SH3GL2: variants seen among roughly 807,000 people sequenced by gnomAD.
SH3GL2 encodes the protein endophilin-A1.
In SH3GL2, 24 loss-of-function variants were observed where a neutral mutation model predicts 46.0. The ratio of observed to expected loss-of-function variants is 0.52; its 90% CI spans 0.38 to 0.73. The LOEUF is 0.73. SH3GL2 is among the 30% of genes least tolerant of loss of function. The probability of loss-of-function intolerance (pLI) is 0.00; values close to 1 mark genes in which losing one functional copy is unlikely to be tolerated. For missense variants in SH3GL2, 413 were observed against 424.2 expected (o/e 0.97, Z 0.23); for synonymous variants, 196 against 147.1 (o/e 1.33, Z -2.40).
intron 1 of SH3GL2, among the ~76,000 whole-genome samples, chr9:17,681,250 AC>A (rs1820758986): frequency 6.6e-6 from 1 of 152,166 alleles, no homozygotes; most frequent in African/African-American, 2.4e-5. Context: ...AACAACAATA[AC>A]AACAACAAAA....
chr9:17,684,027 G>A (rs945595218), intron 1 of SH3GL2, among the ~76,000 whole-genome samples: 1 of 152,028 alleles, frequency 6.6e-6, no homozygotes, highest in African/African-American at 2.4e-5. Context: ...AAGATGGCTG[G>A]CTTTTAACCA....
At chr9:17,683,099 C>T (rs1820815684) in intron 1 of SH3GL2, among the ~76,000 whole-genome samples, 2 of 152,086 alleles carry the variant, frequency 1.3e-5, no homozygotes, top group Admixed American at 6.6e-5. Flanking sequence ...CAGGACAAGA[C>T]ATTTGCTTAA....
At chr9:17,761,339 C>G (rs1175729999) in intron 2 of SH3GL2, 98 bp from the exon 3 acceptor site, 9 of 776,664 alleles carry the variant, frequency 1.2e-5, no homozygotes, top group Non-Finnish European at 1.9e-5. Context: ...GTCCGGGGCT[C>G]TGTTGCATAC....
At chr9:17,774,297 G>A (rs1020367991) in intron 3 of SH3GL2, among the ~76,000 whole-genome samples, 1 of 151,996 alleles carries the variant, frequency 6.6e-6, no homozygotes, top group Non-Finnish European at 1.5e-5. Flanking sequence ...TTACCAAATT[G>A]CCCTGGCCAG....
At chr9:17,598,230 TA>T (rs1240750141) in intron 1 of SH3GL2, among the ~76,000 whole-genome samples, 1 of 152,070 alleles carries the variant, frequency 6.6e-6, no homozygotes, top group Non-Finnish European at 1.5e-5. Context: ...TATTTGCACA[TA>T]AAAAAGAGCA....
intron 1 of SH3GL2, among the ~76,000 whole-genome samples, chr9:17,730,847 A>G (rs1443526293): frequency 6.6e-6 from 1 of 152,164 alleles, no homozygotes; most frequent in Admixed American, 6.6e-5. Context: ...CTTAGACTTC[A>G]GAAAATTAAA....
intron 1 of SH3GL2, among the ~76,000 whole-genome samples, chr9:17,623,011 C>G (rs796574734): frequency 7.8e-5 from 7 of 89,316 alleles, no homozygotes; most frequent in African/African-American, 3.2e-4. Context: ...CTTTCCTTTC[C>G]TTTCCTTTCC....
chr9:17,795,455 C>G, intron 8 of SH3GL2, 89 bp from the exon 9 acceptor site: 1 of 987,884 alleles, frequency 1.0e-6, no homozygotes, highest in Non-Finnish European at 1.5e-6. Context: ...GAGCAGCAAG[C>G]CAGGTGGGTA....
chr9:17,781,328 G>C (rs1015351789), intron 3 of SH3GL2, among the ~76,000 whole-genome samples: 1 of 124,084 alleles, frequency 8.1e-6, no homozygotes, highest in African/African-American at 3.2e-5. Flanking sequence ...TGATGGGGTT[G>C]TTTGTTTTTT....
intron 1 of SH3GL2, among the ~76,000 whole-genome samples, chr9:17,704,628 C>T (rs1821423711): frequency 6.6e-6 from 1 of 152,030 alleles, no homozygotes; most frequent in South Asian, 2.1e-4. Context: ...AATAAAGCCA[C>T]ACACTTAACA....
chr9:17,626,348 G>T (rs929106332), intron 1 of SH3GL2, among the ~76,000 whole-genome samples: 1 of 152,202 alleles, frequency 6.6e-6, no homozygotes, highest in Non-Finnish European at 1.5e-5. Flanking sequence ...GGACAGTTGA[G>T]CCACTCTGAG....
At chr9:17,694,561 T>C (rs1051283538) in intron 1 of SH3GL2, among the ~76,000 whole-genome samples, 1 of 152,162 alleles carries the variant, frequency 6.6e-6, no homozygotes, top group African/African-American at 2.4e-5. Context: ...ATTTATAAAA[T>C]GTCATTATTT....
At chr9:17,689,533 A>G (rs962077755) in intron 1 of SH3GL2, among the ~76,000 whole-genome samples, 9 of 152,018 alleles carry the variant, frequency 5.9e-5, no homozygotes, top group Non-Finnish European at 1.2e-4. Flanking sequence ...GAGTGTCCTC[A>G]CCATAGCCTA....
At chr9:17,656,732 T>C (rs1325117826) in intron 1 of SH3GL2, among the ~76,000 whole-genome samples, 2 of 130,582 alleles carry the variant, frequency 1.5e-5, no homozygotes, top group Non-Finnish European at 3.1e-5. Flanking sequence ...TTAGTGCCAC[T>C]GCACTGCAAG....
chr9:17,712,522 C>T (rs1298094510), intron 1 of SH3GL2, among the ~76,000 whole-genome samples: 1 of 151,796 alleles, frequency 6.6e-6, no homozygotes, highest in African/African-American at 2.4e-5. Flanking sequence ...TTTGTTTCTG[C>T]ATATGAACAT....
chr9:17,587,542 C>T (rs1563772644), intron 1 of SH3GL2, among the ~76,000 whole-genome samples: 1 of 152,192 alleles, frequency 6.6e-6, no homozygotes, highest in Non-Finnish European at 1.5e-5. Context: ...AGGGTTTTCA[C>T]TATCCATGGT....
At chr9:17,707,389 A>G (rs905886538) in intron 1 of SH3GL2, among the ~76,000 whole-genome samples, 3 of 151,886 alleles carry the variant, frequency 2.0e-5, no homozygotes, top group Admixed American at 2.0e-4. Context: ...TCAAGTCTCA[A>G]CTCTCTCTAG....
chr9:17,714,715 A>T (rs1821709680), intron 1 of SH3GL2, among the ~76,000 whole-genome samples: 2 of 151,860 alleles, frequency 1.3e-5, no homozygotes, highest in African/African-American at 4.8e-5. Context: ...CTATATTATA[A>T]ATCCCTGAGT....
intron 3 of SH3GL2, among the ~76,000 whole-genome samples, chr9:17,776,616 A>G (rs1451635711): frequency 6.6e-6 from 1 of 151,468 alleles, no homozygotes; most frequent in Admixed American, 6.6e-5. Flanking sequence ...AATAATGTGT[A>G]TATGAGTGTG....
Sources: allele counts gnomAD v4.1 joint callset (sites outside exome capture counted in the v4.1 genomes callset), GRCh38; gene constraint gnomAD v4.1.1; transcripts MANE v1.5; gene names NCBI Gene and HGNC (gene_info 2026-07-23, HGNC 2026-07-21).